Variants in PRMT7 observed in about 807,000 individuals in gnomAD.
PRMT7 encodes protein arginine N-methyltransferase 7.
PRMT7 carries 75 observed loss-of-function variants against 85.4 expected under a neutral mutation model. The observed-to-expected ratio is 0.88, with a 90% CI of 0.73 to 1.06. The LOEUF (loss-of-function observed/expected upper bound fraction) is 1.06, where lower values mean the gene tolerates loss of function less well. PRMT7 is among the 50% of genes least tolerant of loss of function. PRMT7 has a pLI of 0.00. For synonymous variants in PRMT7, 397 were observed against 359.5 expected (o/e 1.10, Z -1.18); for missense variants, 868 against 915.2 (o/e 0.95, Z 0.67).
At chr16:68,314,299 C>T (rs2044385806) in intron 2 of PRMT7, among the ~76,000 whole-genome samples, 1 of 152,194 alleles carries the variant, frequency 6.6e-6, no homozygotes, top group South Asian at 2.1e-4. Context: ...GGTGCGGTCT[C>T]AGCTCACTGC....
rs530262997 is a variant in PRMT7 at position 68,328,138 on chromosome 16, A to G, written c.283-928A>G. The stretch of plus-strand genomic sequence containing the variant: ...GGAGGCTGAAGCAGCTCCACTGTGA[A>G]TGCTAATCCTCCACGCTGACTTCTG... On this transcript the variant is annotated intron_variant, in intron 5 of 18. Coordinates refer to ENST00000441236, the MANE Select transcript of PRMT7 (RefSeq NM_019023.5). The G allele has an allele frequency of 1.9e-4, 60 of 320,926 alleles. 1 individual carries two copies. Among genetic ancestry groups the G allele is most frequent in the Admixed American group, 3.5e-4 (12 of 34,294 alleles). 19.9% of individuals were successfully genotyped at this position (320,926 alleles called of 1,614,324 possible).
chr16:68,343,170 C>T (rs1004127287), intron 9 of PRMT7, among the ~76,000 whole-genome samples: 1 of 151,840 alleles, frequency 6.6e-6, no homozygotes, highest in African/African-American at 2.4e-5. Flanking sequence ...CACCATTGCC[C>T]TCCAGCCTGG....
chr16:68,324,957 C>T (rs1000784748), intron 5 of PRMT7, 125 bp downstream of exon 5: 8 of 1,261,468 alleles, frequency 6.3e-6, no homozygotes, highest in African/African-American at 4.5e-5. Context: ...AAGCACAGAG[C>T]CAGGCTCTGA....
At chr16:68,335,808 T>A (rs2084601205) in intron 6 of PRMT7, among the ~76,000 whole-genome samples, 1 of 150,244 alleles carries the variant, frequency 6.7e-6, no homozygotes, top group Non-Finnish European at 1.5e-5. Context: ...AAATGGAGTC[T>A]CACTCTGGCC....
Position 68,329,101 on chromosome 16 carries a change from T to C in PRMT7, c.318T>C (p.Ile106=), listed in dbSNP as rs1398618219. ...CTATGGCTGATGCTGCTGTGAAGAT[T>C]GTGGAGAAAAATGGCTTTAGTGATA... ...FKPMADAAVK[I]VEKNGFSDKI... The change falls in exon 6 of 19, where the codon ATT becomes ATC. Residue 106 remains isoleucine (I), a synonymous_variant. Coordinates refer to ENST00000441236, the MANE Select transcript of PRMT7 (RefSeq NM_019023.5). 5.0e-6 allele frequency: 8 copies of C among 1,612,720 alleles called. No individual in the cohort carries two copies. Among genetic ancestry groups the C allele is most frequent in the Non-Finnish European group, 6.8e-6 (8 of 1,178,762 alleles).
chr16:68,312,217 A>G (rs2043873510), intron 2 of PRMT7, 41 bp downstream of exon 2: 2 of 41,102 alleles, frequency 4.9e-5, no homozygotes, highest in South Asian at 9.6e-4. Flanking sequence ...ATATATATAT[A>G]TATATATATA....
At chr16:68,324,968 G>A in intron 5 of PRMT7, 136 bp downstream of exon 5, 1 of 1,160,898 alleles carries the variant, frequency 8.6e-7, no homozygotes, top group South Asian at 1.4e-5. Context: ...CAGGCTCTGA[G>A]CGTATAGAGA....
At chr16:68,334,102 C>T (rs988815299) in intron 6 of PRMT7, among the ~76,000 whole-genome samples, 6 of 152,190 alleles carry the variant, frequency 3.9e-5, no homozygotes, top group Admixed American at 2.6e-4. Context: ...ATAGCGCTTA[C>T]CACTGCAATC....
chr16:68,347,221 C>T lies in PRMT7; in HGVS notation c.1202C>T (p.Pro401Leu). The T allele has an allele frequency of 6.4e-7, 1 of 1,552,720 alleles. No individual in the cohort carries two copies. Among genetic ancestry groups the T allele is most frequent in the Non-Finnish European group, 8.7e-7 (1 of 1,147,342 alleles). ...YVQALRTVLK[P>L]DSVCLCVSDG... ...GCCTGTTCCCCGCAGGTGCTGAAGC[C>T]AGACAGCGTGTGCCTGTGTGTCAGC... Residue 401 changes from proline (P) to leucine (L), a missense_variant, in exon 12 of 19, where the codon CCA (proline) becomes CTA (leucine). Physicochemically the swap from Pro to Leu is moderately conservative, Grantham distance 98 (BLOSUM62 -3). Coordinates refer to ENST00000441236, the MANE Select transcript of PRMT7 (RefSeq NM_019023.5).
At chr16:68,331,185 A>G (rs1203001257) in intron 6 of PRMT7, among the ~76,000 whole-genome samples, 2 of 152,124 alleles carry the variant, frequency 1.3e-5, no homozygotes, top group African/African-American at 4.8e-5. Context: ...ATTTCAAGGA[A>G]GTGGAATCAA....
intron 9 of PRMT7, 137 bp downstream of exon 9, chr16:68,340,105 T>A: frequency 2.0e-6 from 2 of 1,022,288 alleles, no homozygotes; most frequent in Non-Finnish European, 2.8e-6. Context: ...CAAAAGTTTT[T>A]AAAAAGCAAG....
rs1231410123 is a variant in PRMT7 at position 68,339,308 on chromosome 16, TA to T, written c.505-12del. The T allele has an allele frequency of 6.2e-7, 1 of 1,611,912 alleles. No individual in the cohort carries two copies. The highest frequency in any genetic ancestry group is 1.7e-5 in the Admixed American group (1 of 59,966). On this transcript the variant is annotated splice_polypyrimidine_tract_variant and intron_variant, in intron 7 of 18. Transcript: ENST00000441236. ...TCTGATTTTTGTTTGGTTTTGTTTTTAATATAAACTTAGGAAAATTGTGAGG... is the reference window on the plus strand; with the variant it reads ...TCTGATTTTTGTTTGGTTTTGTTTTTATATAAACTTAGGAAAATTGTGAGG...
intron 6 of PRMT7, among the ~76,000 whole-genome samples, chr16:68,336,921 T>C (rs2084778156): frequency 6.6e-6 from 1 of 152,150 alleles, no homozygotes; most frequent in Non-Finnish European, 1.5e-5. Context: ...CCTGGCTAAT[T>C]TTTGTATTTT....
rs1265781696 is a variant in PRMT7 at position 68,357,002 on chromosome 16, G to A, written c.1909-52G>A. The A allele has an allele frequency of 2.6e-6, 4 of 1,543,218 alleles. No homozygotes were observed. The Admixed American group carries it at 5.5e-5, about 21-fold the overall frequency. ...CCTGGGCTGGAGGCTGGCTAGGAAG[G>A]AGGCTCAGGTGCCAGGGAGCCCTCA... On this transcript the variant is annotated intron_variant, in intron 18 of 18. Coordinates refer to ENST00000441236, the MANE Select transcript of PRMT7 (RefSeq NM_019023.5).
intron 16 of PRMT7, 132 bp from the exon 17 acceptor site, chr16:68,355,590 TG>T: frequency 2.1e-6 from 2 of 970,470 alleles, no homozygotes; most frequent in Non-Finnish European, 2.8e-6. Context: ...GCTGGTCTGC[TG>T]GGCGCTCGGC....
Position 68,357,285 on chromosome 16 carries a change from G to C in PRMT7, c.*61G>C. On this transcript the variant is annotated 3_prime_UTR_variant, in exon 19 of 19. Coordinates refer to ENST00000441236, the MANE Select transcript of PRMT7 (RefSeq NM_019023.5). ...GTTCTGAGTGGCTCATGGCTTTCTA[G>C]CGGGGAAGGCTGAAGGCCCTCCTCT... The C allele has an allele frequency of 6.6e-7, 1 of 1,523,402 alleles. No individual in the cohort carries two copies. The allele number at this position is 1,523,402 out of a possible 1,614,324, so 94.4% of individuals were successfully genotyped here.
chr16:68,346,106 G>A (rs780165895), intron 10 of PRMT7, 39 bp from the exon 11 acceptor site: 24 of 1,609,272 alleles, frequency 1.5e-5, no homozygotes, highest in South Asian at 8.8e-5. Flanking sequence ...CTGTGGAGGC[G>A]CTCACAGCCC....
intron 9 of PRMT7, among the ~76,000 whole-genome samples, chr16:68,343,134 G>A (rs2085792520): frequency 6.6e-6 from 1 of 152,060 alleles, no homozygotes; most frequent in Non-Finnish European, 1.5e-5. Context: ...AACCTGGGAG[G>A]TGGAGGTTGC....
chr16:68,311,383 C>T (rs2043648613), intron 1 of PRMT7: 3 of 265,438 alleles, frequency 1.1e-5, no homozygotes, highest in African/African-American at 2.3e-5. Flanking sequence ...CTCCAACCAT[C>T]GCACCCCTAA....
Sources: allele counts gnomAD v4.1 joint callset (sites outside exome capture counted in the v4.1 genomes callset), GRCh38; gene constraint gnomAD v4.1.1; transcripts MANE v1.5; gene names NCBI Gene and HGNC (gene_info 2026-07-23, HGNC 2026-07-21).